ACOXL: variants seen among roughly 807,000 people sequenced by gnomAD.
The protein encoded by ACOXL is acyl-coenzyme A oxidase-like protein.
A neutral mutation model predicts 71.9 loss-of-function variants in ACOXL; 70 were observed. The observed-to-expected ratio is 0.97, with a 90% CI of 0.80 to 1.19. The LOEUF is 1.19. ACOXL is among the 50% of genes most tolerant of loss of function. The pLI is 0.00. For missense variants in ACOXL, 703 were observed against 736.3 expected (o/e 0.95, Z 0.52); for synonymous variants, 253 against 281.6 (o/e 0.90, Z 1.02).
At chr2:110,886,650 A>G in intron 10 of ACOXL, 2 of 1,198,904 alleles carry the variant, frequency 1.7e-6, no homozygotes, top group Non-Finnish European at 2.3e-6. Flanking sequence ...AAATGCTGGG[A>G]TTACAGGCTT....
chr2:110,831,519 A>G (rs1042938139), intron 9 of ACOXL, among the ~76,000 whole-genome samples: 2 of 152,252 alleles, frequency 1.3e-5, no homozygotes, highest in Admixed American at 6.5e-5. Context: ...TAAAGTTGTC[A>G]ATTCTCCTCA....
chr2:110,739,792 T>C (rs1208035529), intron 1 of ACOXL, among the ~76,000 whole-genome samples: 2 of 152,224 alleles, frequency 1.3e-5, no homozygotes, highest in Non-Finnish European at 2.9e-5. Context: ...CCCTGTAGAC[T>C]TAGCATCCTC....
chr2:111,071,910 C>T (rs1021517595), intron 16 of ACOXL, among the ~76,000 whole-genome samples: 1 of 152,180 alleles, frequency 6.6e-6, no homozygotes, highest in African/African-American at 2.4e-5. Context: ...AGCCACAGTT[C>T]CTGCCTTTGT....
At chr2:110,959,762 C>G (rs2061632113) in intron 12 of ACOXL, among the ~76,000 whole-genome samples, 1 of 152,186 alleles carries the variant, frequency 6.6e-6, no homozygotes, top group South Asian at 2.1e-4. Flanking sequence ...GAAGCTGAGG[C>G]AAGGTTTACA....
intron 10 of ACOXL, among the ~76,000 whole-genome samples, chr2:110,908,404 A>T (rs995855425): frequency 6.6e-6 from 1 of 152,208 alleles, no homozygotes; most frequent in Non-Finnish European, 1.5e-5. Flanking sequence ...GTCCTTTTGA[A>T]ATATGTTCTA....
At chr2:110,798,797 A>G (rs942301780) in intron 6 of ACOXL, 73 bp downstream of exon 6, 1 of 1,393,792 alleles carries the variant, frequency 7.2e-7, no homozygotes, top group Non-Finnish European at 1.0e-6. Context: ...ACCATTTCAC[A>G]GAGCTGCTTT....
intron 14 of ACOXL, among the ~76,000 whole-genome samples, chr2:110,997,579 A>T (rs1318125054): frequency 3.3e-5 from 5 of 152,220 alleles, no homozygotes; most frequent in Non-Finnish European, 7.3e-5. Context: ...ATGGAAAGAT[A>T]TTTTTAGATA....
At chr2:111,059,393 T>C (rs1168533191) in intron 16 of ACOXL, among the ~76,000 whole-genome samples, 1 of 152,216 alleles carries the variant, frequency 6.6e-6, no homozygotes, top group Non-Finnish European at 1.5e-5. Context: ...AAACATAACA[T>C]TCAATATCAG....
intron 11 of ACOXL, among the ~76,000 whole-genome samples, chr2:110,923,631 C>T (rs2060161245): frequency 6.6e-6 from 1 of 152,088 alleles, no homozygotes; most frequent in African/African-American, 2.4e-5. Flanking sequence ...TGTGCATTCC[C>T]TTATTAGAAA....
At chr2:110,835,758 A>G (rs1447715600) in intron 9 of ACOXL, among the ~76,000 whole-genome samples, 2 of 152,168 alleles carry the variant, frequency 1.3e-5, no homozygotes, top group South Asian at 2.1e-4. Context: ...TCTGTACATC[A>G]TCTCATTCAG....
intron 16 of ACOXL, among the ~76,000 whole-genome samples, chr2:111,084,899 G>GAAAA (rs113297442): frequency 8.9e-6 from 1 of 112,904 alleles, no homozygotes; most frequent in African/African-American, 3.4e-5. Flanking sequence ...TGGAAAACAG[G>GAAAA]AAAAAAAAAA....
intron 9 of ACOXL, among the ~76,000 whole-genome samples, chr2:110,810,179 A>G (rs1416539704): frequency 6.6e-6 from 1 of 151,488 alleles, no homozygotes; most frequent in Non-Finnish European, 1.5e-5. Context: ...TAATAATCTC[A>G]ATGTTTGTGG....
intron 15 of ACOXL, among the ~76,000 whole-genome samples, chr2:111,041,515 G>A (rs2065782344): frequency 6.6e-6 from 1 of 152,150 alleles, no homozygotes. Context: ...GTGGGACAGA[G>A]CCGGGCCATG....
At chr2:110,899,871 G>T (rs2059157272) in intron 10 of ACOXL, among the ~76,000 whole-genome samples, 1 of 151,972 alleles carries the variant, frequency 6.6e-6, no homozygotes, top group Non-Finnish European at 1.5e-5. Flanking sequence ...AAACATTCAG[G>T]CTCCTCTCTA....
chr2:110,868,039 G>C (rs1320173078), intron 10 of ACOXL, among the ~76,000 whole-genome samples: 4 of 152,206 alleles, frequency 2.6e-5, no homozygotes, highest in Non-Finnish European at 5.9e-5. Context: ...GGGATTACAG[G>C]TGCAAGCCAC....
intron 16 of ACOXL, among the ~76,000 whole-genome samples, chr2:111,088,839 T>C (rs1006749383): frequency 5.3e-5 from 8 of 152,252 alleles, no homozygotes; most frequent in South Asian, 2.1e-4. Flanking sequence ...GAGATTAATA[T>C]AAATCCAAGT....
intron 14 of ACOXL, among the ~76,000 whole-genome samples, chr2:111,003,412 C>T (rs1477748425): frequency 6.6e-6 from 1 of 151,298 alleles, no homozygotes; most frequent in Non-Finnish European, 1.5e-5. Flanking sequence ...TTAGCTGAAC[C>T]TGGTGGTGGG....
At chr2:110,802,975 C>A (rs1454134165) in intron 8 of ACOXL, among the ~76,000 whole-genome samples, 2 of 152,060 alleles carry the variant, frequency 1.3e-5, no homozygotes, top group Admixed American at 6.6e-5. Flanking sequence ...ATCAAAACAT[C>A]ACACTGTATT....
At chr2:110,793,950 G>A (rs1456071709) in intron 4 of ACOXL, 126 bp from the exon 5 acceptor site, 3 of 953,786 alleles carry the variant, frequency 3.1e-6, no homozygotes, top group East Asian at 2.5e-5. Flanking sequence ...TCATCAGACT[G>A]CATTTTTATA....
Sources: allele counts gnomAD v4.1 joint callset (sites outside exome capture counted in the v4.1 genomes callset), GRCh38; gene constraint gnomAD v4.1.1; transcripts MANE v1.5; gene names NCBI Gene and HGNC (gene_info 2026-07-23, HGNC 2026-07-21).